The following DPYD variants were observed in gnomAD, a reference collection of about 807,000 sequenced individuals.
The protein encoded by DPYD is dihydropyrimidine dehydrogenase.
DPYD carries 109 observed loss-of-function variants against 116.2 expected under a neutral mutation model. The ratio of observed to expected loss-of-function variants is 0.94; its 90% CI spans 0.80 to 1.10. The LOEUF is 1.10. DPYD is among the 50% of genes least tolerant of loss of function. The pLI is 0.00. For synonymous variants in DPYD, 440 were observed against 432.0 expected, an observed-to-expected ratio of 1.02 and a Z score of -0.23; for missense variants, 1,302 against 1,254.5, an observed-to-expected ratio of 1.04 and a Z score of -0.57.
At chr1:97,736,850 TTG>T (rs71590232) in intron 4 of DPYD, among the ~76,000 whole-genome samples, 6,890 of 141,992 alleles carry the variant, frequency 0.049, 170 homozygotes, top group Middle Eastern at 0.084. Flanking sequence ...GTGTGTGCAT[TTG>T]TGTGTGTGTG....
At chr1:97,484,851 C>T (rs1678531088) in intron 13 of DPYD, among the ~76,000 whole-genome samples, 2 of 152,120 alleles carry the variant, frequency 1.3e-5, no homozygotes, top group Admixed American at 6.6e-5. Flanking sequence ...GTATATTGTA[C>T]TGTTTCTCTG....
chr1:97,434,891 G>A (rs1454970287), intron 14 of DPYD, among the ~76,000 whole-genome samples: 1 of 151,918 alleles, frequency 6.6e-6, no homozygotes, highest in Non-Finnish European at 1.5e-5. Flanking sequence ...CCTTCATCCA[G>A]ATATCAGTCT....
intron 3 of DPYD, among the ~76,000 whole-genome samples, chr1:97,815,636 G>C (rs1668566163): frequency 6.6e-6 from 1 of 152,164 alleles, no homozygotes; most frequent in African/African-American, 2.4e-5. Flanking sequence ...GTGAGACCAG[G>C]AGATTAGAAA....
chr1:97,902,212 G>C (rs1029453856), intron 1 of DPYD, among the ~76,000 whole-genome samples: 1 of 151,700 alleles, frequency 6.6e-6, no homozygotes, highest in Non-Finnish European at 1.5e-5. Context: ...TGAAGTAAAA[G>C]AACAATCCAT....
intron 18 of DPYD, among the ~76,000 whole-genome samples, chr1:97,257,295 C>G (rs1026724552): frequency 5.9e-5 from 9 of 151,758 alleles, no homozygotes; most frequent in African/African-American, 2.2e-4. Flanking sequence ...ATCCAAACTA[C>G]TCCAACTAGT....
At chr1:97,231,181 C>T (rs1481006600) in intron 19 of DPYD, among the ~76,000 whole-genome samples, 1 of 152,130 alleles carries the variant, frequency 6.6e-6, no homozygotes, top group Non-Finnish European at 1.5e-5. Context: ...TAAGCTATAG[C>T]CTGAACATGT....
chr1:97,475,397 C>A (rs1677899446), intron 13 of DPYD, among the ~76,000 whole-genome samples: 1 of 151,694 alleles, frequency 6.6e-6, no homozygotes, highest in African/African-American at 2.4e-5. Context: ...AGTATAAAAA[C>A]AGTGACAATA....
chr1:97,628,480 T>C (rs573983403), intron 8 of DPYD, among the ~76,000 whole-genome samples: 15 of 152,226 alleles, frequency 9.9e-5, no homozygotes, highest in African/African-American at 3.4e-4. Flanking sequence ...TTTGGCATCA[T>C]ATATATTTTG....
chr1:97,710,730 A>G (rs950275621), intron 5 of DPYD, among the ~76,000 whole-genome samples: 2 of 151,550 alleles, frequency 1.3e-5, no homozygotes, highest in African/African-American at 4.8e-5. Context: ...GAAAAAAAAC[A>G]TAGACTCTCC....
intron 5 of DPYD, among the ~76,000 whole-genome samples, chr1:97,716,595 G>A (rs1662628848): frequency 6.6e-6 from 1 of 151,970 alleles, no homozygotes; most frequent in South Asian, 2.1e-4. Context: ...GAGAATCCAG[G>A]GTGGGTGTGT....
intron 2 of DPYD, among the ~76,000 whole-genome samples, chr1:97,882,828 A>G (rs950506266): frequency 6.6e-6 from 1 of 152,070 alleles, no homozygotes; most frequent in Non-Finnish European, 1.5e-5. Flanking sequence ...CACAGATACC[A>G]GTGTATCTAT....
At chr1:97,557,121 T>C (rs1024260904) in intron 11 of DPYD, among the ~76,000 whole-genome samples, 40 of 151,888 alleles carry the variant, frequency 2.6e-4, no homozygotes, top group Middle Eastern at 3.4e-3. Context: ...GATGAGCATT[T>C]TTTCATGTGT....
chr1:97,532,157 G>A (rs1354182427), intron 12 of DPYD, among the ~76,000 whole-genome samples: 7 of 152,050 alleles, frequency 4.6e-5, no homozygotes, highest in Non-Finnish European at 1.0e-4. Flanking sequence ...TGTTAATGCG[G>A]TGTTATCACA....
intron 18 of DPYD, among the ~76,000 whole-genome samples, chr1:97,238,031 A>G (rs1339288933): frequency 6.6e-6 from 1 of 152,144 alleles, no homozygotes; most frequent in Non-Finnish European, 1.5e-5. Flanking sequence ...TGAAAAATTA[A>G]CCAGTGACAC....
Position 97,750,088 on chromosome 1 carries a change from C to T in DPYD, c.234-9609G>A, listed in dbSNP as rs376897653. On this transcript the variant is annotated intron_variant, in intron 3 of 22. Coordinates refer to ENST00000370192, the MANE Select transcript of DPYD (RefSeq NM_000110.4). ...GTTTATCTTAATTTCAATGAAGCTC[C>T]TTTAGAAAACTTTAAAAAACTAATA... is the stretch of plus-strand genomic sequence containing the variant. 4.6e-5 allele frequency among the ~76,000 whole-genome samples: 7 copies of T among 152,056 alleles called. No homozygotes were observed. In the East Asian group the frequency reaches 1.2e-3, roughly 25 times the overall value.
chr1:97,338,230 G>A (rs1255049942), intron 16 of DPYD, among the ~76,000 whole-genome samples: 2 of 152,114 alleles, frequency 1.3e-5, no homozygotes, highest in Admixed American at 6.5e-5. Flanking sequence ...AAAAAAAATT[G>A]TATACGGTAA....
intron 20 of DPYD, among the ~76,000 whole-genome samples, chr1:97,147,680 G>A (rs919879393): frequency 5.9e-5 from 9 of 152,130 alleles, no homozygotes; most frequent in African/African-American, 2.2e-4. Context: ...TATCCCAACT[G>A]TAAGACTTAC....
intron 18 of DPYD, among the ~76,000 whole-genome samples, chr1:97,292,706 G>A (rs911751515): frequency 2.7e-4 from 30 of 110,310 alleles, no homozygotes; most frequent in East Asian, 1.3e-3. Flanking sequence ...GCGTGCACGC[G>A]CGCGCACACG....
rs560432331 is a variant in DPYD at position 97,351,589 on chromosome 1, C to T, written c.2058+21972G>A. Among the ~76,000 whole-genome samples, 10 of 150,956 alleles carry T rather than the reference C, an allele frequency of 6.6e-5. 1 individual carries two copies. Among genetic ancestry groups the T allele is most frequent in the Non-Finnish European group, 1.0e-4 (7 of 67,932 alleles). On this transcript the variant is annotated intron_variant, in intron 16 of 22. Transcript: ENST00000370192. The stretch of plus-strand genomic sequence containing the variant: ...ATACAGAGATAGAAGAAATCATGTC[C>T]GTGGTAGAAGACAGTACACTAACTT...
Sources: allele counts gnomAD v4.1 joint callset (sites outside exome capture counted in the v4.1 genomes callset), GRCh38; gene constraint gnomAD v4.1.1; transcripts MANE v1.5; gene names NCBI Gene and HGNC (gene_info 2026-07-23, HGNC 2026-07-21).